Variants in LIPN observed in about 807,000 individuals in gnomAD.
LIPN encodes the protein lipase member N.
In LIPN, 32 loss-of-function variants were observed where a neutral mutation model predicts 43.7. The ratio of observed to expected loss-of-function variants is 0.73; its 90% CI spans 0.55 to 0.98. The LOEUF (loss-of-function observed/expected upper bound fraction) is 0.98. Ranked by LOEUF, LIPN falls within the 50% of genes least tolerant of loss-of-function variation. The probability of loss-of-function intolerance (pLI) is 0.00; values close to 1 mark genes in which losing one functional copy is unlikely to be tolerated. For synonymous variants in LIPN, 156 were observed against 157.6 expected, an observed-to-expected ratio of 0.99 and a Z score of 0.08; for missense variants, 505 against 483.8, an observed-to-expected ratio of 1.04 and a Z score of -0.41.
At chr10:88,777,515 G>A (rs148560294) in intron 9 of LIPN, among the ~76,000 whole-genome samples, 6 of 149,826 alleles carry the variant, frequency 4.0e-5, no homozygotes, top group South Asian at 2.1e-4. Flanking sequence ...CAAAACTTCC[G>A]CAATATGTCC....
At position 88,766,347 on chromosome 10, in the gene LIPN, T is replaced by C; in HGVS notation, c.504T>C (p.Tyr168=). The C allele has an allele frequency of 6.2e-7, 1 of 1,607,418 alleles. No homozygotes were observed. The highest frequency in any genetic ancestry group is 2.2e-5 in the East Asian group (1 of 44,766). ...ATAAAACTGGTCAGGAGAAATTGTA[T>C]TTCATTGGACATTCACTTGGCACTA... The part of the protein sequence containing the change: ...IVNKTGQEKL[Y]FIGHSLGTTI... Residue 168 remains tyrosine, a synonymous_variant, in exon 5 of 10, where the codon TAT becomes TAC. Transcript: ENST00000404459.
In LIPN at chr10:88,778,270, A is replaced by G; in HGVS notation, c.*28A>G. 6.5e-7 allele frequency: 1 copy of G among 1,538,848 alleles called. No homozygotes were observed. Among genetic ancestry groups the G allele is most frequent in the South Asian group, 1.2e-5 (1 of 84,844 alleles). On this transcript the variant is annotated 3_prime_UTR_variant, in exon 10 of 10. Coordinates refer to ENST00000404459, the MANE Select transcript of LIPN (RefSeq NM_001102469.2). ...GCAATGCATTTACTTTTCAATTAAA[A>G]GTTGCTTCCAAGCCCATAAGGGACT...
At chr10:88,761,789 A>G (rs2134825450) in intron 2 of LIPN, among the ~76,000 whole-genome samples, 1 of 145,438 alleles carries the variant, frequency 6.9e-6, no homozygotes, top group South Asian at 2.1e-4. Context: ...TTATCTATCT[A>G]TCTATCTATC....
intron 6 of LIPN, chr10:88,769,643 T>G: frequency 1.1e-6 from 1 of 918,156 alleles, no homozygotes. Flanking sequence ...GGGCCAAAAT[T>G]GAAGTCAAGG....
rs1316551906 is a variant in LIPN at position 88,768,796 on chromosome 10, T to C, written c.540T>C (p.Phe180=). The C allele has an allele frequency of 1.2e-6, 2 of 1,611,176 alleles. No individual in the cohort carries two copies. The highest frequency in any genetic ancestry group is 2.2e-5 in the East Asian group (1 of 44,716). ...TCTTATCTCCTGTTCTCTCAGGGTTTGTAGCCTTTTCCACCATGCCTGAAC... is the reference window on the plus strand; with the variant it reads ...TCTTATCTCCTGTTCTCTCAGGGTTCGTAGCCTTTTCCACCATGCCTGAAC... ...IGHSLGTTIG[F]VAFSTMPELA... Residue 180 remains phenylalanine, a synonymous_variant, in exon 6 of 10, where the codon TTT becomes TTC. Transcript: ENST00000404459.
At chr10:88,762,634 C>T (rs772730565) in intron 3 of LIPN, among the ~76,000 whole-genome samples, 52 of 152,124 alleles carry the variant, frequency 3.4e-4, no homozygotes, top group Non-Finnish European at 7.1e-4. Flanking sequence ...AAAATGGATC[C>T]TCTCATTGTC....
At position 88,768,014 on chromosome 10, in the gene LIPN, G is replaced by GTACACACA. The variant is rs1338183146; in HGVS notation, c.536-777_536-770dup. Among the ~76,000 whole-genome samples the GTACACACA allele has an allele frequency of 4.0e-3, 302 of 75,910 alleles. 1 individual carries two copies. Among genetic ancestry groups the GTACACACA allele is most frequent in the South Asian group, 0.032 (81 of 2,506 alleles). The allele number at this position is 75,910 out of a possible 152,430, so 49.8% of individuals were successfully genotyped here. The stretch of plus-strand genomic sequence containing the variant: ...TTTTAATGTTCCAACAAGTGTTTCA[G>GTACACACA]TACACACACACACACACACACACAC... On this transcript the variant is annotated intron_variant, in intron 5 of 9. Coordinates refer to ENST00000404459, the MANE Select transcript of LIPN (RefSeq NM_001102469.2).
chr10:88,768,786 T>C lies in LIPN; in HGVS notation c.536-6T>C. ...TACAAGATTGTCTTATCTCCTGTTC[T>C]CTCAGGGTTTGTAGCCTTTTCCACC... On this transcript the variant is annotated splice_polypyrimidine_tract_variant and splice_region_variant and intron_variant, in intron 5 of 9. Coordinates refer to ENST00000404459, the MANE Select transcript of LIPN (RefSeq NM_001102469.2). 1.9e-6 allele frequency: 3 copies of C among 1,609,708 alleles called. No individual in the cohort carries two copies. The highest frequency in any genetic ancestry group is 2.5e-6 in the Non-Finnish European group (3 of 1,177,734).
chr10:88,761,966 A>G (rs906032809), intron 2 of LIPN, among the ~76,000 whole-genome samples: 1 of 152,108 alleles, frequency 6.6e-6, no homozygotes, highest in Admixed American at 6.6e-5. Context: ...GAATGGGTCA[A>G]TGCTAAATTT....
At position 88,778,824 on chromosome 10, in the gene LIPN, G is replaced by A. The variant is rs559605584; in HGVS notation, c.*582G>A. ...CTTATCCCTGGCTATCTGCGTAAACGGAATCTTGAACCCATAATAGGATAC... is the reference window on the plus strand; with the variant it reads ...CTTATCCCTGGCTATCTGCGTAAACAGAATCTTGAACCCATAATAGGATAC... On this transcript the variant is annotated 3_prime_UTR_variant, in exon 10 of 10. Coordinates refer to ENST00000404459, the MANE Select transcript of LIPN (RefSeq NM_001102469.2). Among the ~76,000 whole-genome samples, 144 of 152,142 alleles carry A rather than the reference G, an allele frequency of 9.5e-4. No homozygotes were observed. Among genetic ancestry groups the A allele is most frequent in the South Asian group, 1.9e-3 (9 of 4,812 alleles).
At position 88,764,397 on chromosome 10, in the gene LIPN, T is replaced by C. The variant is rs752153737; in HGVS notation, c.227-13T>C. On this transcript the variant is annotated splice_polypyrimidine_tract_variant and intron_variant, in intron 3 of 9. Coordinates refer to ENST00000404459, the MANE Select transcript of LIPN (RefSeq NM_001102469.2). Reference sequence around the variant, plus strand: ...TCTTTCTCCCTCTCTCATCTTACCCTTTCCCCCACCAGGTCCCCGGCCAGT... The same window carrying C: ...TCTTTCTCCCTCTCTCATCTTACCCCTTCCCCCACCAGGTCCCCGGCCAGT... 3 of 1,603,398 alleles carry C rather than the reference T, an allele frequency of 1.9e-6. No homozygotes were observed. The Admixed American group carries it at 5.1e-5, about 27-fold the overall frequency.
chr10:88,762,349 C>G (rs1217544684), intron 3 of LIPN, 44 bp downstream of exon 3: 2 of 1,208,782 alleles, frequency 1.7e-6, no homozygotes, highest in South Asian at 2.6e-5. Flanking sequence ...CATTGACCTC[C>G]TGCTTCTCAG....
At chr10:88,764,636 G>C in intron 4 of LIPN, 28 bp downstream of exon 4, 1 of 1,517,286 alleles carries the variant, frequency 6.6e-7, no homozygotes, top group Non-Finnish European at 8.9e-7. Flanking sequence ...AAACTCAAGG[G>C]GGAAATTGGA....
chr10:88,771,315 T>C (rs1219812150), intron 7 of LIPN, among the ~76,000 whole-genome samples: 1 of 151,800 alleles, frequency 6.6e-6, no homozygotes. Context: ...TACAATGAAT[T>C]ATTGTTAACT....
chr10:88,774,980 G>T, intron 8 of LIPN, 112 bp from the exon 9 acceptor site: 1 of 666,120 alleles, frequency 1.5e-6, no homozygotes, highest in Non-Finnish European at 2.6e-6. Flanking sequence ...CATCCTTCTG[G>T]TGATCTAGGA....
chr10:88,759,946 T>G (rs977137582), upstream of LIPN, among the ~76,000 whole-genome samples: 1 of 152,118 alleles, frequency 6.6e-6, no homozygotes, highest in East Asian at 1.9e-4. Context: ...TGTCTCAGTC[T>G]AAAGCTTCCT....
At position 88,761,542 on chromosome 10, in the gene LIPN, C is replaced by T. The variant is rs1290230616; in HGVS notation, c.108+29C>T. The T allele has an allele frequency of 3.4e-6, 5 of 1,466,934 alleles. No individual in the cohort carries two copies. The East Asian group carries it at 1.1e-4, about 33-fold the overall frequency. 90.9% of individuals were successfully genotyped at this position (1,466,934 alleles called of 1,614,324 possible). On this transcript the variant is annotated intron_variant, in intron 2 of 9. Coordinates refer to ENST00000404459, the MANE Select transcript of LIPN (RefSeq NM_001102469.2). ...AGTCATGGAAAACTGTGAAGAACAT[C>T]AAATAAAGCAGGACTAATGGAGTAT... is the stretch of plus-strand genomic sequence containing the variant.
intron 7 of LIPN, among the ~76,000 whole-genome samples, chr10:88,773,793 G>A (rs867261222): frequency 6.6e-6 from 1 of 151,908 alleles, no homozygotes; most frequent in East Asian, 1.9e-4. Context: ...TTGCTCAAAA[G>A]TAAAGATTTT....
chr10:88,765,911 A>G (rs1296952109), intron 4 of LIPN, among the ~76,000 whole-genome samples: 2 of 151,960 alleles, frequency 1.3e-5, no homozygotes, highest in Non-Finnish European at 2.9e-5. Flanking sequence ...TGGGTATTAA[A>G]TGGTCCTAAC....
Sources: allele counts gnomAD v4.1 joint callset (sites outside exome capture counted in the v4.1 genomes callset), GRCh38; gene constraint gnomAD v4.1.1; transcripts MANE v1.5; gene names NCBI Gene and HGNC (gene_info 2026-07-23, HGNC 2026-07-21).